Variants in FRMD4A observed in about 807,000 individuals in gnomAD.
The protein encoded by FRMD4A is FERM domain-containing protein 4A.
In FRMD4A, 29 loss-of-function variants were observed where a neutral mutation model predicts 129.1. The observed-to-expected ratio is 0.22, with a 90% confidence interval of 0.17 to 0.31. The LOEUF (loss-of-function observed/expected upper bound fraction) is 0.31. Among genes scored for constraint, FRMD4A ranks in the 10% least tolerant of loss-of-function variants. The probability of loss-of-function intolerance (pLI) is 1.00; values close to 1 mark genes in which losing one functional copy is unlikely to be tolerated. For missense variants in FRMD4A, 1,272 were observed against 1,375.8 expected (o/e 0.92, Z 1.19); for synonymous variants, 634 against 571.6 (o/e 1.11, Z -1.56).
At chr10:13,758,489 A>G (rs1358844468) in intron 8 of FRMD4A, among the ~76,000 whole-genome samples, 1 of 152,232 alleles carries the variant, frequency 6.6e-6, no homozygotes, top group Non-Finnish European at 1.5e-5. Flanking sequence ...AATAATAGTG[A>G]TAGATGCAGG....
At chr10:13,824,321 CAAAAAAAAAAA>C (rs397721588) in intron 3 of FRMD4A, among the ~76,000 whole-genome samples, 1 of 99,046 alleles carries the variant, frequency 1.0e-5, no homozygotes, top group Non-Finnish European at 1.9e-5. Flanking sequence ...ACTAAAAATA[CAAAAAAAAAAA>C]AAAAAAAAAA....
intron 6 of FRMD4A, among the ~76,000 whole-genome samples, chr10:13,765,561 T>C (rs2092258950): frequency 6.6e-6 from 1 of 152,222 alleles, no homozygotes; most frequent in African/African-American, 2.4e-5. Context: ...AGTTGGATAC[T>C]AATATTTGCC....
intron 2 of FRMD4A, among the ~76,000 whole-genome samples, chr10:13,885,490 G>T (rs890771554): frequency 6.6e-6 from 1 of 152,186 alleles, no homozygotes; most frequent in Non-Finnish European, 1.5e-5. Context: ...CGCAGCAGCT[G>T]AGACCAGGGC....
intron 2 of FRMD4A, among the ~76,000 whole-genome samples, chr10:14,156,155 A>G (rs1840586227): frequency 6.6e-6 from 1 of 152,220 alleles, no homozygotes; most frequent in African/African-American, 2.4e-5. Flanking sequence ...ACGGATCATG[A>G]CTTGCGGTAT....
intron 2 of FRMD4A, among the ~76,000 whole-genome samples, chr10:13,884,178 ACACACACACACACACACT>A (rs2094585841): frequency 2.0e-5 from 2 of 101,102 alleles, no homozygotes; most frequent in African/African-American, 4.1e-5. Flanking sequence ...TCACACACTC[ACACACACACACACACACT>A]CACACACACA....
intron 4 of FRMD4A, among the ~76,000 whole-genome samples, chr10:13,797,597 G>T (rs535721698): frequency 6.6e-6 from 1 of 152,140 alleles, no homozygotes; most frequent in African/African-American, 2.4e-5. Flanking sequence ...CCAAGCTGAA[G>T]AATCCTCTCT....
intron 13 of FRMD4A, among the ~76,000 whole-genome samples, chr10:13,703,004 C>G (rs112688339): frequency 1.3e-5 from 2 of 151,756 alleles, no homozygotes; most frequent in Non-Finnish European, 2.9e-5. Flanking sequence ...GGGGGAGATC[C>G]CTCGCCAGTC....
At chr10:13,989,971 C>T (rs2095597611) in intron 2 of FRMD4A, among the ~76,000 whole-genome samples, 1 of 152,216 alleles carries the variant, frequency 6.6e-6, no homozygotes, top group Admixed American at 6.5e-5. Context: ...TTCTCAGCAG[C>T]TTGGATTCCA....
chr10:14,198,119 T>C (rs920164346), intron 2 of FRMD4A, among the ~76,000 whole-genome samples: 3 of 152,202 alleles, frequency 2.0e-5, no homozygotes, highest in African/African-American at 7.2e-5. Context: ...CAGAGCGTAT[T>C]AGCTGAGATG....
chr10:13,691,650 G>A (rs923794241), intron 15 of FRMD4A, among the ~76,000 whole-genome samples: 2 of 152,156 alleles, frequency 1.3e-5, no homozygotes, highest in African/African-American at 4.8e-5. Flanking sequence ...GAGGGGTTTT[G>A]ACAAGCCCTC....
intron 2 of FRMD4A, among the ~76,000 whole-genome samples, chr10:14,176,466 CTTTTTTTTTTTTTTT>C (rs35347674): frequency 1.4e-5 from 1 of 72,832 alleles, no homozygotes; most frequent in African/African-American, 5.1e-5. Flanking sequence ...TCACCTCCAT[CTTTTTTTTTTTTTTT>C]TTTTTTTTTT....
At chr10:14,281,703 C>G (rs1845525187) in intron 2 of FRMD4A, among the ~76,000 whole-genome samples, 1 of 152,256 alleles carries the variant, frequency 6.6e-6, no homozygotes, top group Admixed American at 6.5e-5. Context: ...TCTCTCCCAG[C>G]TGAAACTCCA....
chr10:13,873,900 A>G (rs1054763913), intron 2 of FRMD4A, among the ~76,000 whole-genome samples: 1 of 152,140 alleles, frequency 6.6e-6, no homozygotes, highest in Non-Finnish European at 1.5e-5. Context: ...GAACCTTTAA[A>G]GATATGTTCA....
rs778183331 is a variant in FRMD4A, at chr10:13,657,225, C to A, written c.2364G>T (p.Arg788=). Residue 788 remains arginine, a synonymous_variant, in exon 22 of 25, where the codon CGG becomes CGT. Coordinates refer to ENST00000357447, the MANE Select transcript of FRMD4A (RefSeq NM_018027.5). ...TGGCTGAGCCCAGTGCGCCCGCCGC[C>A]CGCTGCCGCTGCCTCTGCCTCTGGC... The part of the protein sequence containing the change: ...KARQRQRQRQ[R]AAGALGSASS... 1 of 1,566,902 alleles carries A rather than the reference C, an allele frequency of 6.4e-7. No homozygotes were observed. Among genetic ancestry groups the A allele is most frequent in the South Asian group, 1.2e-5 (1 of 86,632 alleles).
chr10:13,693,841 C>T lies in FRMD4A; in HGVS notation c.1117+57G>A, dbSNP rs745414334. The T allele has an allele frequency of 1.9e-6, 3 of 1,576,310 alleles. No homozygotes were observed. In the African/African-American group the frequency reaches 4.0e-5, roughly 21 times the overall value. ...TGCAGCTCTCCCCACCTTCCTGGGT[C>T]CCCTCTGGGGTCCCAGCCATGCTCA... is the stretch of plus-strand genomic sequence containing the variant. On this transcript the variant is annotated intron_variant, in intron 15 of 24. Transcript: ENST00000357447.
chr10:13,879,224 C>A (rs1692564008), intron 2 of FRMD4A, among the ~76,000 whole-genome samples: 1 of 152,098 alleles, frequency 6.6e-6, no homozygotes, highest in Admixed American at 6.6e-5. Flanking sequence ...CACAGTGAGA[C>A]CCCATCTCTA....
intron 2 of FRMD4A, among the ~76,000 whole-genome samples, chr10:14,117,243 C>G (rs1324104795): frequency 6.6e-6 from 1 of 152,248 alleles, no homozygotes; most frequent in East Asian, 1.9e-4. Context: ...GAGTCCATCA[C>G]AAGGCAGAGC....
At chr10:14,186,546 C>T (rs775027541) in intron 2 of FRMD4A, among the ~76,000 whole-genome samples, 9 of 152,214 alleles carry the variant, frequency 5.9e-5, no homozygotes, top group Non-Finnish European at 1.2e-4. Context: ...AACCTGGTGT[C>T]ATAGTCTTGG....
At chr10:14,050,957 T>G (rs1360226728) in intron 2 of FRMD4A, among the ~76,000 whole-genome samples, 5 of 152,178 alleles carry the variant, frequency 3.3e-5, no homozygotes, top group Admixed American at 2.0e-4. Flanking sequence ...GAGGAGGGGA[T>G]GTGGGACCCC....
Sources: allele counts gnomAD v4.1 joint callset (sites outside exome capture counted in the v4.1 genomes callset), GRCh38; gene constraint gnomAD v4.1.1; transcripts MANE v1.5; gene names NCBI Gene and HGNC (gene_info 2026-07-23, HGNC 2026-07-21).